RBPMS: variants seen among roughly 807,000 people sequenced by gnomAD.
RBPMS encodes RNA binding protein, mRNA processing factor, also known as RNA-binding protein with multiple splicing.
In RBPMS, 7 loss-of-function variants were observed where a neutral mutation model predicts 26.8. The observed-to-expected ratio is 0.26, with a 90% CI of 0.15 to 0.49. The LOEUF (loss-of-function observed/expected upper bound fraction) is 0.49, where lower values mean the gene tolerates loss of function less well. Ranked by LOEUF, RBPMS falls within the 20% of genes least tolerant of loss-of-function variation. The pLI is 0.98. For missense variants in RBPMS, 186 were observed against 250.0 expected (o/e 0.74, Z 1.73); for synonymous variants, 96 against 93.3 (o/e 1.03, Z -0.17).
At chr8:30,556,125 A>G (rs6468394) in intron 6 of RBPMS, 985,115 of 985,418 alleles carry the variant, frequency 1, 492,409 homozygotes, top group Middle Eastern at 1. Flanking sequence ...TGGCAAGCAC[A>G]TAGTGTCCTA....
intron 1 of RBPMS, among the ~76,000 whole-genome samples, chr8:30,419,404 C>T (rs4338062): frequency 0.39 from 58,881 of 150,732 alleles, 12,887 homozygotes; most frequent in East Asian, 0.72. Context: ...CAAGATCATG[C>T]CATTGCACTC....
At chr8:30,419,197 G>A (rs1222487139) in intron 1 of RBPMS, among the ~76,000 whole-genome samples, 1 of 152,032 alleles carries the variant, frequency 6.6e-6, no homozygotes, top group Non-Finnish European at 1.5e-5. Context: ...TATAATCCTA[G>A]CACTTTGGGA....
intron 1 of RBPMS, among the ~76,000 whole-genome samples, chr8:30,389,564 G>T (rs151033324): frequency 7.5e-4 from 114 of 152,210 alleles, no homozygotes; most frequent in African/African-American, 2.6e-3. Flanking sequence ...AATGTGTTCA[G>T]GCCCTTTGAT....
At chr8:30,449,982 A>G (rs1814359690) in intron 1 of RBPMS, among the ~76,000 whole-genome samples, 1 of 152,256 alleles carries the variant, frequency 6.6e-6, no homozygotes, top group South Asian at 2.1e-4. Flanking sequence ...TGTCCTGTTT[A>G]GAAGCAGGGC....
chr8:30,458,598 T>G (rs1039952234), intron 1 of RBPMS, among the ~76,000 whole-genome samples: 3 of 152,206 alleles, frequency 2.0e-5, no homozygotes, highest in African/African-American at 7.2e-5. Flanking sequence ...ACAAATAGAT[T>G]TAGTCATGGC....
intron 1 of RBPMS, among the ~76,000 whole-genome samples, chr8:30,466,502 C>T (rs537652181): frequency 6.6e-6 from 1 of 152,128 alleles, no homozygotes; most frequent in Non-Finnish European, 1.5e-5. Context: ...GCTATGATTG[C>T]ACCGCTGCAC....
At chr8:30,520,934 C>T (rs940106928) in intron 5 of RBPMS, among the ~76,000 whole-genome samples, 3 of 151,976 alleles carry the variant, frequency 2.0e-5, no homozygotes, top group African/African-American at 7.2e-5. Flanking sequence ...AAGGCTTTGT[C>T]AGCAGAACAT....
intron 1 of RBPMS, among the ~76,000 whole-genome samples, chr8:30,413,149 G>T (rs1263629963): frequency 6.6e-6 from 1 of 152,184 alleles, no homozygotes; most frequent in Admixed American, 6.5e-5. Context: ...CACCATCTTG[G>T]CTCACTGCAG....
intron 5 of RBPMS, among the ~76,000 whole-genome samples, chr8:30,508,585 G>A (rs1207732556): frequency 1.3e-5 from 2 of 151,398 alleles, no homozygotes; most frequent in African/African-American, 4.9e-5. Context: ...TTCTGTGTTT[G>A]TATACTCAGC....
chr8:30,516,971 CTT>C (rs1310820993), intron 5 of RBPMS, among the ~76,000 whole-genome samples: 3 of 149,670 alleles, frequency 2.0e-5, no homozygotes, highest in Admixed American at 6.8e-5. Flanking sequence ...AATAATATAA[CTT>C]ATTTCAATCT....
rs749215063 is a variant in RBPMS at position 30,570,938 on chromosome 8, G to GTTTT, written c.*415_*418dup. The GTTTT allele has an allele frequency of 6.6e-6, 1 of 152,126 alleles. No homozygotes were observed. Among genetic ancestry groups the GTTTT allele is most frequent in the Non-Finnish European group, 1.5e-5 (1 of 68,012 alleles). 9.4% of individuals were successfully genotyped at this position (152,126 alleles called of 1,614,324 possible). The stretch of plus-strand genomic sequence containing the variant: ...CGATCTTACACTGGTTTGGATCACA[G>GTTTT]TTTTTGTTCTTGACTTTTGAATGCT... On this transcript the variant is annotated 3_prime_UTR_variant, in exon 9 of 9. Transcript: ENST00000397323.
chr8:30,555,980 G>A (rs891715805), intron 6 of RBPMS: 2 of 984,692 alleles, frequency 2.0e-6, no homozygotes, highest in Non-Finnish European at 2.4e-6. Flanking sequence ...TGTGGTGCGG[G>A]AACCTGGATG....
intron 1 of RBPMS, among the ~76,000 whole-genome samples, chr8:30,449,786 G>C (rs1410714757): frequency 1.3e-5 from 2 of 152,224 alleles, no homozygotes; most frequent in African/African-American, 4.8e-5. Context: ...TATGAGGCTT[G>C]AGGCCAGGTT....
At chr8:30,548,347 C>A (rs1051146394) in intron 6 of RBPMS, among the ~76,000 whole-genome samples, 4 of 120,546 alleles carry the variant, frequency 3.3e-5, no homozygotes, top group Admixed American at 9.2e-5. Flanking sequence ...AGTATACTGT[C>A]CTTACCACAT....
chr8:30,564,359 C>T (rs1444071867), intron 7 of RBPMS: 1 of 152,232 alleles, frequency 6.6e-6, no homozygotes. Flanking sequence ...TCCTCAGAGA[C>T]CTTTCTCTGT....
At chr8:30,544,967 G>A (rs1825751703) in intron 6 of RBPMS, 1 of 1,456,858 alleles carries the variant, frequency 6.9e-7, no homozygotes, top group Non-Finnish European at 9.0e-7. Flanking sequence ...TGCCTTGTGT[G>A]GAAGGGCTGC....
At chr8:30,506,287 ACAGGG>A (rs1024135021) in intron 5 of RBPMS, among the ~76,000 whole-genome samples, 2 of 151,098 alleles carry the variant, frequency 1.3e-5, no homozygotes, top group Non-Finnish European at 2.9e-5. Flanking sequence ...AGTTTCCATG[ACAGGG>A]TAAAAACTTG....
chr8:30,408,904 C>T (rs1480511530), intron 1 of RBPMS, among the ~76,000 whole-genome samples: 1 of 152,096 alleles, frequency 6.6e-6, no homozygotes, highest in African/African-American at 2.4e-5. Flanking sequence ...GCTTTTTTTC[C>T]TCTATGGATT....
At chr8:30,411,613 C>T (rs1401390686) in intron 1 of RBPMS, among the ~76,000 whole-genome samples, 8 of 142,236 alleles carry the variant, frequency 5.6e-5, no homozygotes, top group African/African-American at 1.9e-4. Flanking sequence ...TGCAGTGAGC[C>T]GTGATTGCAC....
Sources: gnomAD v4.1 joint callset for allele counts (sites outside exome capture counted in the v4.1 genomes callset) on GRCh38, gnomAD v4.1.1 for gene constraint, MANE v1.5 for transcripts, NCBI Gene and HGNC (gene_info 2026-07-23, HGNC 2026-07-21) for gene names.